MAP7D3: variants seen among roughly 807,000 people sequenced by gnomAD.
The protein encoded by MAP7D3 is MAP7 domain containing 3.
Under a neutral mutation model 62.2 loss-of-function variants are expected in MAP7D3, and 45 were observed. The ratio of observed to expected loss-of-function variants is 0.72; its 90% confidence interval spans 0.57 to 0.93. MAP7D3 has a LOEUF of 0.93. MAP7D3 is among the 40% of genes least tolerant of loss of function. The probability of loss-of-function intolerance (pLI) is 0.00; values close to 1 mark genes in which losing one functional copy is unlikely to be tolerated. For synonymous variants in MAP7D3, 288 were observed against 248.8 expected, an observed-to-expected ratio of 1.16 and a Z score of -1.48; for missense variants, 711 against 683.1, an observed-to-expected ratio of 1.04 and a Z score of -0.45.
At chrX:136,247,372 AG>A (rs2074458909) in intron 1 of MAP7D3, among the ~76,000 whole-genome samples, 1 of 111,975 alleles carries the variant, frequency 8.9e-6, no homozygotes, top group African/African-American at 3.2e-5. Flanking sequence ...AGAAAAGCAC[AG>A]GAAGTAAGCC....
chrX:136,249,565 T>C (rs1414376776), intron 1 of MAP7D3, among the ~76,000 whole-genome samples: 1 of 112,553 alleles, frequency 8.9e-6, no homozygotes, highest in Non-Finnish European at 1.9e-5. Context: ...CATATATATA[T>C]ACATGTATCT....
At position 136,225,970 on chromosome X, in the gene MAP7D3, C is replaced by T. The variant is rs371085349; in HGVS notation, c.2078G>A (p.Arg693His). ...CATAATTCTCTCGTGTTCTTTCTTG[C>T]GTTTGTCAGCTTCCTCTTGAGCTTT... ...KIKAQEEADK[R>H]KKEHERIMLQ... The change falls in exon 13 of 19, where the codon CGC (arginine) becomes CAC (histidine). Residue 693 changes from arginine to histidine, a missense_variant. Transcript: ENST00000316077. 1.8e-5 allele frequency: 22 copies of T among 1,202,803 alleles called. No homozygotes were observed. The highest frequency in any genetic ancestry group is 2.2e-5 in the Non-Finnish European group (20 of 891,428).
Position 136,219,679 on chromosome X carries a change from G to C in MAP7D3, c.2487-8C>G, listed in dbSNP as rs1264835214. ...ATTCTTTTGGAAGATGGTCTGGAAA[G>C]AGACAGTTTGGTTAGAATCCCAATT... On this transcript the variant is annotated splice_region_variant and splice_polypyrimidine_tract_variant and intron_variant, in intron 16 of 18. Transcript: ENST00000316077. 1 of 1,187,850 alleles carries C rather than the reference G, an allele frequency of 8.4e-7. No homozygotes were observed. The highest frequency in any genetic ancestry group is 2.2e-5 in the Admixed American group (1 of 46,018).
intron 14 of MAP7D3, among the ~76,000 whole-genome samples, chrX:136,222,728 G>A (rs1008805098): frequency 1.4e-4 from 16 of 111,622 alleles, no homozygotes; most frequent in African/African-American, 4.9e-4. Context: ...CTGGGCAGGA[G>A]CCAAGGGAAT....
intron 7 of MAP7D3, among the ~76,000 whole-genome samples, chrX:136,234,368 G>A (rs768355437): frequency 9.0e-6 from 1 of 111,228 alleles, no homozygotes; most frequent in East Asian, 2.8e-4. Context: ...AAAGCTGAAG[G>A]GTGGCTCTAT....
chrX:136,246,043 T>A, intron 3 of MAP7D3, 22 bp downstream of exon 3: 1 of 1,115,420 alleles, frequency 9.0e-7, no homozygotes, highest in Non-Finnish European at 1.2e-6. Context: ...TTTTGATTTT[T>A]GAAAAAAGGT....
chrX:136,234,212 A>G (rs965920202), intron 7 of MAP7D3, among the ~76,000 whole-genome samples: 1 of 109,314 alleles, frequency 9.1e-6, no homozygotes, highest in African/African-American at 3.3e-5. Context: ...CATAGGAACA[A>G]TGCATTAGTC....
chrX:136,228,568 A>G, intron 11 of MAP7D3, 55 bp downstream of exon 11: 1 of 1,124,381 alleles, frequency 8.9e-7, no homozygotes, highest in Non-Finnish European at 1.2e-6. Context: ...TTGACTTTCA[A>G]AAATTTGGGC....
Position 136,232,027 on chromosome X carries a change from A to G in MAP7D3, c.930T>C (p.Asn310=). 8.3e-7 allele frequency: 1 copy of G among 1,210,501 alleles called. No homozygotes were observed. The highest frequency in any genetic ancestry group is 1.1e-6 in the Non-Finnish European group (1 of 894,821). ...TGCTTGTGTTGCAGAATACTTCCACATTCACCTGGGGGGGTGCATCCACAC... is the reference window on the plus strand; with the variant it reads ...TGCTTGTGTTGCAGAATACTTCCACGTTCACCTGGGGGGGTGCATCCACAC... ...KASVDAPPQV[N]VEVFCNTSME... Residue 310 remains asparagine (N), a synonymous_variant, in exon 8 of 19, where the codon AAT becomes AAC. Transcript: ENST00000316077.
At chrX:136,235,759 GA>G (rs1330030765) in intron 7 of MAP7D3, among the ~76,000 whole-genome samples, 1 of 110,593 alleles carries the variant, frequency 9.0e-6, no homozygotes, top group Non-Finnish European at 1.9e-5. Context: ...AAAAAAAAAA[GA>G]AAGAAAGAAA....
Position 136,225,968 on chromosome X carries a change from T to C in MAP7D3, c.2080A>G (p.Lys694Glu). The C allele has an allele frequency of 8.3e-7, 1 of 1,206,501 alleles. No homozygotes were observed. Among genetic ancestry groups the C allele is most frequent in the South Asian group, 1.8e-5 (1 of 55,485 alleles). Reference protein sequence around the residue: ...IKAQEEADKRKKEHERIMLQN... With the variant: ...IKAQEEADKREKEHERIMLQN... ...AACATAATTCTCTCGTGTTCTTTCT[T>C]GCGTTTGTCAGCTTCCTCTTGAGCT... is the stretch of plus-strand genomic sequence containing the variant. The change falls in exon 13 of 19, where the codon AAG becomes GAG. Residue 694 changes from lysine (K) to glutamate (E), a missense_variant. Transcript: ENST00000316077.
rs768702771 is a variant in MAP7D3 at position 136,219,446 on chromosome X, T to C, written c.2615A>G (p.Asp872Gly). Residue 872 changes from aspartate (D) to glycine (G), a missense_variant, in exon 18 of 19, where the codon GAC becomes GGC. Physicochemically the swap from Asp to Gly is moderately conservative, Grantham distance 94 (BLOSUM62 -1). Transcript: ENST00000316077. ...GFHDILPKSSDTFRQ is the reference protein window; with the variant it reads ...GFHDILPKSSGTFRQ ...CTTCTTCTCTTATTGTCTAAAGGTG[T>C]CTGAGGACTTTGGCAAGATGTCATG... 1.1e-5 allele frequency: 13 copies of C among 1,203,736 alleles called. No homozygotes were observed. In the Admixed American group the frequency reaches 1.1e-4, roughly 10 times the overall value.
intron 4 of MAP7D3, among the ~76,000 whole-genome samples, chrX:136,243,853 CAG>C (rs1362846218): frequency 2.2e-4 from 25 of 111,195 alleles, no homozygotes; most frequent in African/African-American, 7.5e-4. Flanking sequence ...AATTTGGTGT[CAG>C]AGAGAATCAT....
chrX:136,215,512 C>G (rs937876551), downstream of MAP7D3, among the ~76,000 whole-genome samples: 7 of 111,851 alleles, frequency 6.3e-5, no homozygotes, highest in African/African-American at 2.3e-4. Context: ...AAGCTCAGGG[C>G]TCCCACTGAT....
At chrX:136,253,453 A>G (rs1214687951), upstream of MAP7D3, among the ~76,000 whole-genome samples, 3 of 112,722 alleles carry the variant, frequency 2.7e-5, no homozygotes, top group African/African-American at 9.7e-5. Context: ...CAATGCTTCA[A>G]AATATTAGTG....
Position 136,227,428 on chromosome X carries a change from G to C in MAP7D3, c.1890C>G (p.Val630=), listed in dbSNP as rs1463369855. 1 of 1,172,420 alleles carries C rather than the reference G, an allele frequency of 8.5e-7. No homozygotes were observed. The highest frequency in any genetic ancestry group is 1.2e-6 in the Non-Finnish European group (1 of 868,340). ...TTGCCATGTCTTTTGATTTCTTAAT[G>C]ACCCTGAGAGTATTTAAATAATTGT... is the stretch of plus-strand genomic sequence containing the variant. ...ERQREEMQQR[V]IKKSKDMAKE... Residue 630 remains valine (V), a synonymous_variant, in exon 12 of 19, where the codon GTC becomes GTG. Transcript: ENST00000316077.
chrX:136,231,497 A>G (rs774922211), intron 8 of MAP7D3, 47 bp downstream of exon 8: 1 of 1,059,496 alleles, frequency 9.4e-7, no homozygotes, highest in Non-Finnish European at 1.3e-6. Flanking sequence ...ACAACAAAAT[A>G]TACATATTTT....
rs776705553 is a variant in MAP7D3, at chrX:136,230,475, C to T, written c.1660G>A (p.Ala554Thr). The change falls in exon 10 of 19, where the codon GCA becomes ACA. Residue 554 changes from alanine (A) to threonine (T), a missense_variant. Ala to Thr is a moderately conservative substitution (Grantham distance 58). Coordinates refer to ENST00000316077, the MANE Select transcript of MAP7D3 (RefSeq NM_024597.4). ...PIQHTLSVQS[A>T]SSTVKKKKET... ...TTTTTCTTTTTGACAGTACTTGATGCACTTTGCACAGACAGGGTGTGTTGA... is the reference window on the plus strand; with the variant it reads ...TTTTTCTTTTTGACAGTACTTGATGTACTTTGCACAGACAGGGTGTGTTGA... 1 of 1,185,618 alleles carries T rather than the reference C, an allele frequency of 8.4e-7. No homozygotes were observed.
At chrX:136,221,181 A>G (rs752499426) in intron 15 of MAP7D3, among the ~76,000 whole-genome samples, 1 of 111,427 alleles carries the variant, frequency 9.0e-6, no homozygotes, top group East Asian at 2.8e-4. Context: ...CCTGCCCTTG[A>G]GGCACCAAGA....
Sources: gnomAD v4.1 joint callset for allele counts (sites outside exome capture counted in the v4.1 genomes callset) on GRCh38, gnomAD v4.1.1 for gene constraint, MANE v1.5 for transcripts, NCBI Gene and HGNC (gene_info 2026-07-23, HGNC 2026-07-21) for gene names.